PTPRM: variants seen among roughly 807,000 people sequenced by gnomAD.
PTPRM encodes the protein protein tyrosine phosphatase receptor type M.
PTPRM carries 47 observed loss-of-function variants against 186.7 expected under a neutral mutation model. The observed-to-expected ratio is 0.25, with a 90% CI of 0.20 to 0.32. PTPRM has a LOEUF of 0.32. PTPRM is among the 10% of genes least tolerant of loss of function. PTPRM has a pLI of 1.00. For missense variants in PTPRM, 1,494 were observed against 1,865.0 expected (o/e 0.80, Z 3.66); for synonymous variants, 668 against 674.9 (o/e 0.99, Z 0.16).
Position 8,394,457 on chromosome 18 carries a change from C to G in PTPRM, c.4209-19C>G, listed in dbSNP as rs1271779668. The G allele has an allele frequency of 6.2e-7, 1 of 1,601,940 alleles. No homozygotes were observed. Among genetic ancestry groups the G allele is most frequent in the Non-Finnish European group, 8.5e-7 (1 of 1,173,500 alleles). ...GTAAAGACAGACCGAGTGCAGTCAT[C>G]TGATCTTTTTCACGACAGGAACGGG... is the stretch of plus-strand genomic sequence containing the variant. On this transcript the variant is annotated intron_variant, in intron 31 of 32. Coordinates refer to ENST00000580170, the MANE Select transcript of PTPRM (RefSeq NM_001105244.2).
At chr18:7,930,482 G>C (rs2051420384) in intron 5 of PTPRM, among the ~76,000 whole-genome samples, 2 of 152,174 alleles carry the variant, frequency 1.3e-5, no homozygotes, top group Admixed American at 1.3e-4. Flanking sequence ...TTGTAGGAGA[G>C]GAGTTGGAAG....
rs531715801 is a variant in PTPRM at position 7,610,893 on chromosome 18, G to A, written c.73+43002G>A. 2.0e-5 allele frequency among the ~76,000 whole-genome samples: 3 copies of A among 152,284 alleles called. No individual in the cohort carries two copies. In the South Asian group the frequency reaches 6.2e-4, roughly 32 times the overall value. On this transcript the variant is annotated intron_variant, in intron 1 of 32. Transcript: ENST00000580170. ...CAGCCTCAGGCAGGTCCTTCAGGAG[G>A]TATCTAGAAGAAGGCGTTGTTATTC...
chr18:8,327,910 AAG>A (rs1471023343), intron 22 of PTPRM, among the ~76,000 whole-genome samples: 1 of 152,190 alleles, frequency 6.6e-6, no homozygotes, highest in African/African-American at 2.4e-5. Context: ...TAATTTGAAA[AAG>A]AGAAGCCTAA....
chr18:7,805,102 CTCT>C (rs1234653765), intron 2 of PTPRM, among the ~76,000 whole-genome samples: 2 of 152,170 alleles, frequency 1.3e-5, no homozygotes, highest in East Asian at 1.9e-4. Flanking sequence ...CGTCTTTATC[CTCT>C]TCTTCTCAGA....
At chr18:8,019,440 C>A (rs756456915) in intron 7 of PTPRM, among the ~76,000 whole-genome samples, 1 of 152,060 alleles carries the variant, frequency 6.6e-6, no homozygotes, top group Non-Finnish European at 1.5e-5. Context: ...GACAAAATGG[C>A]GTGATAGACC....
At chr18:8,098,766 C>T (rs777980056) in intron 11 of PTPRM, among the ~76,000 whole-genome samples, 4 of 152,072 alleles carry the variant, frequency 2.6e-5, no homozygotes, top group African/African-American at 9.7e-5. Flanking sequence ...ATGACACCCC[C>T]TCCCCTCCTT....
intron 7 of PTPRM, among the ~76,000 whole-genome samples, chr18:8,064,259 T>G (rs1208970293): frequency 6.6e-6 from 1 of 152,198 alleles, no homozygotes; most frequent in African/African-American, 2.4e-5. Flanking sequence ...CAAACCAGCA[T>G]TTGGAATACA....
intron 14 of PTPRM, among the ~76,000 whole-genome samples, chr18:8,179,527 T>C (rs1233446368): frequency 2.0e-5 from 3 of 151,492 alleles, no homozygotes; most frequent in African/African-American, 7.3e-5. Flanking sequence ...TGGAGTGTAG[T>C]GGTGCAATCT....
chr18:7,622,900 C>G (rs1164870977), intron 1 of PTPRM, among the ~76,000 whole-genome samples: 1 of 152,118 alleles, frequency 6.6e-6, no homozygotes, highest in African/African-American at 2.4e-5. Flanking sequence ...CTTGTTGAAA[C>G]AAGCCAAAGT....
At chr18:7,673,164 C>T (rs987177671) in intron 1 of PTPRM, among the ~76,000 whole-genome samples, 3 of 152,178 alleles carry the variant, frequency 2.0e-5, no homozygotes, top group Non-Finnish European at 4.4e-5. Flanking sequence ...GCTGCTCTTC[C>T]TATGAACTGA....
At chr18:7,989,173 G>T (rs1040194136) in intron 7 of PTPRM, among the ~76,000 whole-genome samples, 2 of 151,704 alleles carry the variant, frequency 1.3e-5, no homozygotes, top group East Asian at 3.9e-4. Context: ...TGAGAGAGCA[G>T]CAATGTTGAT....
chr18:8,406,277 T>G lies in PTPRM; in HGVS notation c.*115T>G. On this transcript the variant is annotated 3_prime_UTR_variant, in exon 33 of 33. Transcript: ENST00000580170. ...ATATGCTTATTTTGCTTTGCATAAT[T>G]GGCTCTTTTTAAGAGCCCAAGAAAG... 2 of 1,041,554 alleles carry G rather than the reference T, an allele frequency of 1.9e-6. No homozygotes were observed. Among genetic ancestry groups the G allele is most frequent in the South Asian group, 1.6e-5 (1 of 64,292 alleles). 64.5% of individuals were successfully genotyped at this position (1,041,554 alleles called of 1,614,324 possible).
At chr18:7,859,379 C>A (rs1161609741) in intron 2 of PTPRM, among the ~76,000 whole-genome samples, 1 of 152,208 alleles carries the variant, frequency 6.6e-6, no homozygotes, top group African/African-American at 2.4e-5. Context: ...AGATTTCTAC[C>A]CTGATCCTTG....
intron 11 of PTPRM, among the ~76,000 whole-genome samples, chr18:8,089,562 T>C (rs1273075246): frequency 6.6e-6 from 1 of 152,186 alleles, no homozygotes; most frequent in Non-Finnish European, 1.5e-5. Context: ...AATTTCTACT[T>C]GATTCAGAGG....
chr18:8,223,695 T>A (rs1391727558), intron 14 of PTPRM, among the ~76,000 whole-genome samples: 1 of 152,170 alleles, frequency 6.6e-6, no homozygotes, highest in Non-Finnish European at 1.5e-5. Flanking sequence ...CCCACAGAAG[T>A]CTAAGCTGTT....
chr18:8,090,751 C>A (rs1304476040), intron 11 of PTPRM, among the ~76,000 whole-genome samples: 1 of 152,072 alleles, frequency 6.6e-6, no homozygotes, highest in Non-Finnish European at 1.5e-5. Flanking sequence ...CGTGCTACTG[C>A]ACCCAGCTAA....
rs749263983 is a variant in PTPRM at position 8,143,738 on chromosome 18, C to T, written c.2259C>T (p.Phe753=). 5.6e-6 allele frequency: 9 copies of T among 1,613,934 alleles called. No individual in the cohort carries two copies. In the East Asian group the frequency reaches 8.9e-5, roughly 16 times the overall value. The change falls in exon 14 of 33, where the codon TTC becomes TTT. Residue 753 remains phenylalanine, a synonymous_variant. Coordinates refer to ENST00000580170, the MANE Select transcript of PTPRM (RefSeq NM_001105244.2). ...IAGVIAGILL[F]VIIFLGVVLV... ...GAGTCATCGCGGGCATCTTGCTGTT[C>T]GTGATTATATTTCTTGGAGTTGTGT... is the stretch of plus-strand genomic sequence containing the variant.
intron 31 of PTPRM, among the ~76,000 whole-genome samples, chr18:8,389,078 C>T (rs1470481435): frequency 6.6e-6 from 1 of 152,178 alleles, no homozygotes; most frequent in Non-Finnish European, 1.5e-5. Context: ...GAACAAGAGG[C>T]TCACGCTGAG....
intron 15 of PTPRM, among the ~76,000 whole-genome samples, chr18:8,246,382 T>C (rs2094476834): frequency 6.6e-6 from 1 of 152,160 alleles, no homozygotes; most frequent in Non-Finnish European, 1.5e-5. Flanking sequence ...GATTAATCTC[T>C]CCAGCAAAGC....
Sources: gnomAD v4.1 joint callset for allele counts (sites outside exome capture counted in the v4.1 genomes callset) on GRCh38, gnomAD v4.1.1 for gene constraint, MANE v1.5 for transcripts, NCBI Gene and HGNC (gene_info 2026-07-23, HGNC 2026-07-21) for gene names.